Variants in ATAD2B observed in about 807,000 individuals in gnomAD.
ATAD2B encodes ATPase family AAA domain-containing protein 2B.
A neutral mutation model predicts 167.6 loss-of-function variants in ATAD2B; 40 were observed. The observed-to-expected ratio is 0.24, with a 90% CI of 0.19 to 0.31. The LOEUF is 0.31. Among genes scored for constraint, ATAD2B ranks in the 10% least tolerant of loss-of-function variants. The probability of loss-of-function intolerance (pLI) is 1.00; values close to 1 mark genes in which losing one functional copy is unlikely to be tolerated. For missense variants in ATAD2B, 1,242 were observed against 1,757.2 expected (o/e 0.71, Z 5.24); for synonymous variants, 579 against 596.5 (o/e 0.97, Z 0.43).
At chr2:23,790,032 AC>A (rs1338869008) in intron 19 of ATAD2B, among the ~76,000 whole-genome samples, 1 of 152,102 alleles carries the variant, frequency 6.6e-6, no homozygotes, top group African/African-American at 2.4e-5. Context: ...ATAAAATTTC[AC>A]CTTGTGTCGT....
chr2:23,810,763 C>A (rs563141831), intron 17 of ATAD2B, among the ~76,000 whole-genome samples: 12 of 152,254 alleles, frequency 7.9e-5, no homozygotes, highest in African/African-American at 2.6e-4. Flanking sequence ...GTAATCCTAG[C>A]ACTTTGGGAG....
chr2:23,905,117 T>C (rs1028244954), intron 1 of ATAD2B, among the ~76,000 whole-genome samples: 3 of 152,154 alleles, frequency 2.0e-5, no homozygotes, highest in African/African-American at 7.2e-5. Flanking sequence ...AAGTCTATAA[T>C]AATTTAAAAT....
intron 18 of ATAD2B, among the ~76,000 whole-genome samples, chr2:23,802,681 A>AT (rs1436089997): frequency 6.6e-6 from 1 of 152,230 alleles, no homozygotes; most frequent in East Asian, 1.9e-4. Flanking sequence ...AAAAAGTCAG[A>AT]TATCCATGTG....
At chr2:23,835,343 G>A (rs558995706) in intron 13 of ATAD2B, among the ~76,000 whole-genome samples, 4 of 152,192 alleles carry the variant, frequency 2.6e-5, no homozygotes, top group Admixed American at 2.0e-4. Flanking sequence ...AAAAATAAAC[G>A]AAGTACCAAC....
intron 13 of ATAD2B, among the ~76,000 whole-genome samples, chr2:23,844,838 C>T (rs1189760422): frequency 6.6e-6 from 1 of 151,164 alleles, no homozygotes; most frequent in Non-Finnish European, 1.5e-5. Context: ...GAAATAGTGG[C>T]CAAAAATTTT....
At chr2:23,888,259 C>A in intron 3 of ATAD2B, 91 bp downstream of exon 3, 1 of 908,864 alleles carries the variant, frequency 1.1e-6, no homozygotes, top group Non-Finnish European at 1.7e-6. Context: ...GCTCAGCACA[C>A]TATTAAATCA....
At chr2:23,696,615 G>A in the ATAD2B span, 3 of 937,200 alleles carry the variant, frequency 3.2e-6, no homozygotes, top group Non-Finnish European at 1.6e-6. The surrounding 1 kb of genome is among the most constrained non-coding windows in gnomAD (Gnocchi z 5.5). Flanking sequence ...TGGCGATGGA[G>A]CAGAGCCTGG....
chr2:23,923,617 G>A (rs2150717433), intron 1 of ATAD2B, among the ~76,000 whole-genome samples: 1 of 149,494 alleles, frequency 6.7e-6, no homozygotes, highest in African/African-American at 2.5e-5. Flanking sequence ...AACTCACAGA[G>A]TTATATACAC....
chr2:23,701,142 T>C, the ATAD2B span, among the ~76,000 whole-genome samples: 2 of 152,014 alleles, frequency 1.3e-5, no homozygotes, highest in Non-Finnish European at 2.9e-5. Context: ...CCACCAGTAG[T>C]GTCACCATCC....
chr2:23,911,727 C>T (rs1702337550), intron 1 of ATAD2B, among the ~76,000 whole-genome samples: 1 of 152,152 alleles, frequency 6.6e-6, no homozygotes, highest in Non-Finnish European at 1.5e-5. Context: ...ATAATCCCAG[C>T]ACTTTGCGAG....
At chr2:23,916,255 A>C (rs1343181710) in intron 1 of ATAD2B, among the ~76,000 whole-genome samples, 1 of 152,244 alleles carries the variant, frequency 6.6e-6, no homozygotes, top group East Asian at 1.9e-4. Context: ...AATTTATTCC[A>C]TAACTGATTC....
intron 13 of ATAD2B, among the ~76,000 whole-genome samples, chr2:23,838,195 G>C (rs149089696): frequency 6.6e-6 from 1 of 152,274 alleles, no homozygotes; most frequent in Non-Finnish European, 1.5e-5. Context: ...ATGAATAACT[G>C]AAAATTAGTG....
the ATAD2B span, chr2:23,684,275 A>C: frequency 1.4e-6 from 1 of 716,108 alleles, no homozygotes; most frequent in Non-Finnish European, 2.0e-6. The surrounding 1 kb of genome is among the most constrained non-coding windows in gnomAD (Gnocchi z 4.4). Flanking sequence ...CAGTCTTGCC[A>C]AGAAACAATA....
chr2:23,833,458 A>G (rs1350738537), intron 14 of ATAD2B, among the ~76,000 whole-genome samples: 1 of 152,204 alleles, frequency 6.6e-6, no homozygotes, highest in Non-Finnish European at 1.5e-5. Flanking sequence ...TATTATTAGT[A>G]CATTCTTTTA....
At chr2:23,746,164 C>A (rs936666791), downstream of ATAD2B, among the ~76,000 whole-genome samples, 2 of 152,186 alleles carry the variant, frequency 1.3e-5, no homozygotes, top group African/African-American at 2.4e-5. Context: ...TCAATCTTAA[C>A]ACATGCCGTA....
chr2:23,795,014 C>T (rs2149446590), intron 19 of ATAD2B, among the ~76,000 whole-genome samples: 1 of 152,212 alleles, frequency 6.6e-6, no homozygotes, highest in South Asian at 2.1e-4. Context: ...TAATAAGACA[C>T]TAATCATGGA....
At chr2:23,785,380 C>A (rs1300024787) in intron 21 of ATAD2B, among the ~76,000 whole-genome samples, 1 of 151,998 alleles carries the variant, frequency 6.6e-6, no homozygotes, top group East Asian at 1.9e-4. Flanking sequence ...AAACAAAAAC[C>A]AAAAATGTAG....
chr2:23,771,500 A>G (rs533840441), intron 22 of ATAD2B, among the ~76,000 whole-genome samples: 1 of 152,306 alleles, frequency 6.6e-6, no homozygotes, highest in Admixed American at 6.5e-5. Flanking sequence ...TCCAGTAAAA[A>G]AATTTGACTT....
At chr2:23,916,068 T>C (rs1196651050) in intron 1 of ATAD2B, among the ~76,000 whole-genome samples, 2 of 151,658 alleles carry the variant, frequency 1.3e-5, no homozygotes, top group African/African-American at 4.9e-5. Context: ...TTTTATACCT[T>C]CTGTTACAAT....
Sources: allele counts gnomAD v4.1 joint callset (sites outside exome capture counted in the v4.1 genomes callset), GRCh38; gene constraint gnomAD v4.1.1; non-coding constraint Gnocchi (gnomAD v3.1); transcripts MANE v1.5; gene names NCBI Gene and HGNC (gene_info 2026-07-23, HGNC 2026-07-21).